The following PDE8A variants were observed in gnomAD, a reference collection of about 807,000 sequenced individuals.
PDE8A encodes the protein high affinity cAMP-specific and IBMX-insensitive 3',5'-cyclic phosphodiesterase 8A.
PDE8A carries 59 observed loss-of-function variants against 105.0 expected under a neutral mutation model. That is an observed-to-expected ratio of 0.56 (90% confidence interval 0.46 to 0.70). The LOEUF (loss-of-function observed/expected upper bound fraction) is 0.70, where lower values mean the gene tolerates loss of function less well. Among genes scored for constraint, PDE8A ranks in the 30% least tolerant of loss-of-function variants. PDE8A has a pLI of 0.00. For missense variants in PDE8A, 1,014 were observed against 1,045.9 expected, an observed-to-expected ratio of 0.97 and a Z score of 0.42; for synonymous variants, 355 against 371.9, an observed-to-expected ratio of 0.95 and a Z score of 0.52.
chr15:85,052,057 G>T (rs916887606), intron 1 of PDE8A, among the ~76,000 whole-genome samples: 3 of 151,430 alleles, frequency 2.0e-5, no homozygotes, highest in African/African-American at 7.3e-5. Flanking sequence ...CCACCTATGA[G>T]TGAGAACATG....
chr15:85,129,832 A>C (rs1380500855), intron 20 of PDE8A, among the ~76,000 whole-genome samples: 1 of 151,974 alleles, frequency 6.6e-6, no homozygotes, highest in Admixed American at 6.6e-5. Context: ...CCCCCTTATC[A>C]CTGTTTTTGC....
intron 1 of PDE8A, among the ~76,000 whole-genome samples, chr15:84,982,825 T>G (rs540318070): frequency 6.6e-6 from 1 of 152,360 alleles, no homozygotes; most frequent in East Asian, 1.9e-4. Context: ...CACATGCAGT[T>G]GCAGGTTACC....
At chr15:84,984,219 A>G (rs2079766567) in intron 1 of PDE8A, among the ~76,000 whole-genome samples, 1 of 152,230 alleles carries the variant, frequency 6.6e-6, no homozygotes, top group Non-Finnish European at 1.5e-5. Context: ...AACCACAGAA[A>G]TAATAGCCCC....
intron 16 of PDE8A, 192 bp downstream of exon 16, chr15:85,116,311 G>A (rs978355027): frequency 1.8e-6 from 1 of 557,720 alleles, no homozygotes; most frequent in Non-Finnish European, 3.2e-6. Flanking sequence ...CACAGTGATG[G>A]CACATTCATG....
At position 85,110,775 on chromosome 15, in the gene PDE8A, C is replaced by T. The variant is rs1453016682; in HGVS notation, c.1114+1645C>T. ...ATTTTTTGTGGATGTATATGCTCAT[C>T]TTCTCCCTAGAAGTGGGATTGCTAG... is the stretch of plus-strand genomic sequence containing the variant. On this transcript the variant is annotated intron_variant, in intron 12 of 21. Transcript: ENST00000394553. 2.6e-5 allele frequency among the ~76,000 whole-genome samples: 4 copies of T among 152,286 alleles called. No homozygotes were observed. The East Asian group carries it at 7.7e-4, about 29-fold the overall frequency.
Position 85,008,205 on chromosome 15 carries a change from A to G in PDE8A, c.186+25857A>G, listed in dbSNP as rs559143434. Among the ~76,000 whole-genome samples, 27 of 152,108 alleles carry G rather than the reference A, an allele frequency of 1.8e-4. No individual in the cohort carries two copies. In the South Asian group the frequency reaches 5.2e-3, roughly 29 times the overall value. On this transcript the variant is annotated intron_variant, in intron 1 of 21. Coordinates refer to ENST00000394553, the MANE Select transcript of PDE8A (RefSeq NM_002605.3). ...AGCTGTGGCCTTTGCAGAAAGTCCT[A>G]TTCCAGGACTTTCCCTACAGTGTCT...
At chr15:85,023,908 G>A (rs2080469354) in intron 1 of PDE8A, among the ~76,000 whole-genome samples, 1 of 152,132 alleles carries the variant, frequency 6.6e-6, no homozygotes, top group African/African-American at 2.4e-5. Context: ...ATGGCATTTT[G>A]GTTGCCAAGG....
At chr15:85,078,570 A>G (rs2081416760) in intron 5 of PDE8A, among the ~76,000 whole-genome samples, 1 of 140,382 alleles carries the variant, frequency 7.1e-6, no homozygotes. Flanking sequence ...AAAAAAAAAA[A>G]GAAAGAAAAG....
At chr15:85,115,793 T>A in intron 15 of PDE8A, 191 bp from the exon 16 acceptor site, 1 of 561,834 alleles carries the variant, frequency 1.8e-6, no homozygotes, top group Non-Finnish European at 3.1e-6. Context: ...TGGTGGCAGG[T>A]GCCTGTAATC....
At position 85,138,461 on chromosome 15, in the gene PDE8A, A is replaced by C. The variant is rs543123268; in HGVS notation, c.*558A>C. 1 of 152,748 alleles carries C rather than the reference A, an allele frequency of 6.5e-6. No homozygotes were observed. The highest frequency in any genetic ancestry group is 1.9e-4 in the East Asian group (1 of 5,192). 9.5% of individuals were successfully genotyped at this position (152,748 alleles called of 1,614,324 possible). A position where few individuals can be genotyped will look rare whatever the true frequency, so the allele number is the denominator to read the frequency against. On this transcript the variant is annotated 3_prime_UTR_variant, in exon 22 of 22. Transcript: ENST00000394553. Reference sequence around the variant, plus strand: ...TTTTATTTATTTTATTAAAAGCTCAATATTTTCTATGAATTCAAAAATACT... The same window carrying C: ...TTTTATTTATTTTATTAAAAGCTCACTATTTTCTATGAATTCAAAAATACT...
At chr15:85,111,185 A>G (rs1260719826) in intron 12 of PDE8A, among the ~76,000 whole-genome samples, 8 of 152,192 alleles carry the variant, frequency 5.3e-5, no homozygotes, top group African/African-American at 1.7e-4. Flanking sequence ...CCTCTAAATC[A>G]TATCTTTTGA....
At chr15:85,039,008 C>T (rs1263017743) in intron 1 of PDE8A, among the ~76,000 whole-genome samples, 1 of 151,950 alleles carries the variant, frequency 6.6e-6, no homozygotes, top group Non-Finnish European at 1.5e-5. Context: ...GTAATCCTAG[C>T]TACTTGGGAG....
At chr15:84,981,165 C>T (rs1470685033), upstream of PDE8A, among the ~76,000 whole-genome samples, 4 of 152,244 alleles carry the variant, frequency 2.6e-5, no homozygotes, top group East Asian at 7.7e-4. Context: ...CTGGTGGCCT[C>T]GGGACGGAGG....
intron 2 of PDE8A, among the ~76,000 whole-genome samples, chr15:85,066,557 C>T (rs12904410): frequency 0.15 from 21,680 of 148,858 alleles, 1,952 homozygotes; most frequent in Middle Eastern, 0.24. Context: ...GAGGAAGACC[C>T]TGTTGCCCAC....
At chr15:85,049,743 T>C (rs1191998810) in intron 1 of PDE8A, among the ~76,000 whole-genome samples, 1 of 152,240 alleles carries the variant, frequency 6.6e-6, no homozygotes, top group East Asian at 1.9e-4. Flanking sequence ...CATTAGACAC[T>C]TGGGCTGTTT....
chr15:85,072,649 G>C (rs1329486197), intron 3 of PDE8A, among the ~76,000 whole-genome samples: 3 of 152,150 alleles, frequency 2.0e-5, no homozygotes, highest in African/African-American at 7.2e-5. Flanking sequence ...AGAAACACTG[G>C]TAGGAGCTAG....
chr15:85,064,088 AT>A (rs1392043013), intron 1 of PDE8A: 1 of 319,300 alleles, frequency 3.1e-6, no homozygotes, highest in Non-Finnish European at 5.7e-6. Context: ...GCTGAGGAAG[AT>A]TAATTCACTT....
chr15:84,994,092 C>G (rs968943696), intron 1 of PDE8A, among the ~76,000 whole-genome samples: 19 of 152,128 alleles, frequency 1.2e-4, no homozygotes, highest in African/African-American at 4.3e-4. Context: ...TCTGTGCTAT[C>G]TTCTGGGAGG....
At position 85,099,925 on chromosome 15, in the gene PDE8A, G is replaced by A. The variant is rs2081830375; in HGVS notation, c.942-90G>A. The stretch of plus-strand genomic sequence containing the variant: ...CAGAGCGTTTTGTGTATTGCAAAAG[G>A]GAGGTGCCATTTTCGTAATGAAAAA... On this transcript the variant is annotated intron_variant, in intron 9 of 21. Coordinates refer to ENST00000394553, the MANE Select transcript of PDE8A (RefSeq NM_002605.3). 3.2e-5 allele frequency: 32 copies of A among 1,003,346 alleles called. No homozygotes were observed. In the South Asian group the frequency reaches 4.1e-4, roughly 13 times the overall value. The allele number at this position is 1,003,346 out of a possible 1,614,324, so 62.2% of individuals were successfully genotyped here. A position where few individuals can be genotyped will look rare whatever the true frequency, so the allele number is the denominator to read the frequency against.
Sources: allele counts gnomAD v4.1 joint callset (sites outside exome capture counted in the v4.1 genomes callset), GRCh38; gene constraint gnomAD v4.1.1; transcripts MANE v1.5; gene names NCBI Gene and HGNC (gene_info 2026-07-23, HGNC 2026-07-21).